The following BAZ1B variants were observed in gnomAD, a reference collection of about 807,000 sequenced individuals.
BAZ1B encodes bromodomain adjacent to zinc finger domain 1B, also known as tyrosine-protein kinase BAZ1B.
BAZ1B carries 22 observed loss-of-function variants against 153.8 expected under a neutral mutation model. That is an observed-to-expected ratio of 0.14 (90% CI 0.10 to 0.20). BAZ1B has a LOEUF of 0.20. Ranked by LOEUF, BAZ1B falls within the 10% of genes least tolerant of loss-of-function variation. The pLI, the probability that BAZ1B is intolerant of heterozygous loss-of-function variation, is 1.00. For missense variants in BAZ1B, 1,325 were observed against 1,799.3 expected (o/e 0.74, Z 4.77); for synonymous variants, 676 against 633.4 (o/e 1.07, Z -1.01).
rs542195158 is a variant in BAZ1B, at chr7:73,479,877, T to C, written c.892-1308A>G. 3.9e-5 allele frequency among the ~76,000 whole-genome samples: 6 copies of C among 152,140 alleles called. No homozygotes were observed. The South Asian group carries it at 1.2e-3, about 32-fold the overall frequency. On this transcript the variant is annotated intron_variant, in intron 6 of 19. Transcript: ENST00000339594. ...GGCTAAAATAAAAGATAAATAAAAG[T>C]GGGTGGTCTCAGCTGGGTGTGGAGG... is the stretch of plus-strand genomic sequence containing the variant.
intron 4 of BAZ1B, among the ~76,000 whole-genome samples, chr7:73,495,324 C>CAAGT (rs1785907235): frequency 1.3e-5 from 2 of 152,066 alleles, no homozygotes; most frequent in South Asian, 4.1e-4. Flanking sequence ...ATAGGACAGG[C>CAAGT]AAGTAAAGAT....
At chr7:73,517,114 C>T (rs1157101740) in intron 1 of BAZ1B, among the ~76,000 whole-genome samples, 8 of 151,304 alleles carry the variant, frequency 5.3e-5, no homozygotes, top group Admixed American at 2.7e-4. Context: ...ACCCAGGAGG[C>T]GGAGGTTGTA....
At chr7:73,513,761 A>G (rs1286439332) in intron 1 of BAZ1B, among the ~76,000 whole-genome samples, 1 of 152,134 alleles carries the variant, frequency 6.6e-6, no homozygotes, top group Admixed American at 6.6e-5. Context: ...TCCAACAGGC[A>G]TGGTAGCTTA....
At chr7:73,506,446 C>T (rs1790344893) in intron 3 of BAZ1B, among the ~76,000 whole-genome samples, 1 of 150,738 alleles carries the variant, frequency 6.6e-6, no homozygotes, top group African/African-American at 2.4e-5. Context: ...TTGCAGTGAG[C>T]TGAGATCATG....
rs1230138240 is a variant in BAZ1B at position 73,447,330 on chromosome 7, C to T, written c.3778G>A (p.Asp1260Asn). The T allele has an allele frequency of 6.2e-7, 1 of 1,613,494 alleles. No homozygotes were observed. The highest frequency in any genetic ancestry group is 2.2e-5 in the East Asian group (1 of 44,886). Residue 1260 changes from aspartate to asparagine, a missense_variant, in exon 16 of 20, where the codon GAT becomes AAT. Asp to Asn is a conservative substitution (Grantham distance 23). Coordinates refer to ENST00000339594, the MANE Select transcript of BAZ1B (RefSeq NM_032408.4). ...ASEDSEDDESDEEEEEEEEEE... is the reference protein window; with the variant it reads ...ASEDSEDDESNEEEEEEEEEE... ...TCTTCTTCCTCCTCCTCCTCTTCAT[C>T]ACTCTCATCATCTTCACTGTCCTCA...
chr7:73,506,853 A>C (rs1790364252), intron 3 of BAZ1B, among the ~76,000 whole-genome samples: 1 of 147,070 alleles, frequency 6.8e-6, no homozygotes, highest in African/African-American at 2.5e-5. Flanking sequence ...CTCCACCTCA[A>C]AGAAAAAAAA....
chr7:73,513,806 G>C (rs1166105978), intron 1 of BAZ1B, among the ~76,000 whole-genome samples: 1 of 152,122 alleles, frequency 6.6e-6, no homozygotes, highest in Non-Finnish European at 1.5e-5. Context: ...GGACAAAGTG[G>C]GGGGATCTTG....
At position 73,498,533 on chromosome 7, in the gene BAZ1B, C is replaced by T. The variant is rs1554576663; in HGVS notation, c.535G>A (p.Val179Ile). 1.2e-6 allele frequency: 2 copies of T among 1,613,970 alleles called. No homozygotes were observed. Among genetic ancestry groups the T allele is most frequent in the African/African-American group, 1.3e-5 (1 of 74,940 alleles). Residue 179 changes from valine (V) to isoleucine (I), a missense_variant, in exon 4 of 20, where the codon GTT becomes ATT. Transcript: ENST00000339594. Reference protein sequence around the residue: ...IAQDHQKKETVVKEDEGRRES... With the variant: ...IAQDHQKKETIVKEDEGRRES... ...CTCCTTCCTTCATCCTCTTTCACAA[C>T]TGTCTCCTTCTTCTGATGGTCCTGA...
intron 6 of BAZ1B, among the ~76,000 whole-genome samples, chr7:73,479,178 G>C (rs1373065049): frequency 6.6e-6 from 1 of 152,004 alleles, no homozygotes; most frequent in East Asian, 1.9e-4. Flanking sequence ...CCTGACCTGG[G>C]CCTCAAACTC....
intron 10 of BAZ1B, among the ~76,000 whole-genome samples, 161 bp downstream of exon 10, chr7:73,466,135 T>C (rs1554571136): frequency 6.6e-6 from 1 of 152,088 alleles, no homozygotes; most frequent in Non-Finnish European, 1.5e-5. Context: ...TAACAAAAAA[T>C]CAGGTCTGCT....
intron 1 of BAZ1B, among the ~76,000 whole-genome samples, chr7:73,520,228 A>C (rs1414496942): frequency 6.6e-6 from 1 of 151,824 alleles, no homozygotes; most frequent in Non-Finnish European, 1.5e-5. Flanking sequence ...AAAAAAAAAA[A>C]AAGTGGGGTA....
rs1583885793 is a variant in BAZ1B, at chr7:73,449,277, G to A, written c.3728+265C>T. Among the ~76,000 whole-genome samples the A allele has an allele frequency of 3.3e-5, 5 of 152,174 alleles. No individual in the cohort carries two copies. The East Asian group carries it at 5.8e-4, about 18-fold the overall frequency. ...TGGGCAACAGGAGGCTAAAGGCAGA[G>A]AGAGAGATTTCATTACTTGAGAAGA... On this transcript the variant is annotated intron_variant, in intron 15 of 19. Coordinates refer to ENST00000339594, the MANE Select transcript of BAZ1B (RefSeq NM_032408.4).
At chr7:73,493,668 C>T (rs190802242) in intron 4 of BAZ1B, among the ~76,000 whole-genome samples, 1 of 151,682 alleles carries the variant, frequency 6.6e-6, no homozygotes, top group Non-Finnish European at 1.5e-5. Flanking sequence ...TGGTGAAACC[C>T]TGTCTCTATA....
chr7:73,493,861 G>C (rs1306059653), intron 4 of BAZ1B, among the ~76,000 whole-genome samples: 1 of 150,690 alleles, frequency 6.6e-6, no homozygotes. Flanking sequence ...AAAAAAGAGA[G>C]AGAGAGAGAA....
At chr7:73,494,479 TCA>T (rs1191418836) in intron 4 of BAZ1B, among the ~76,000 whole-genome samples, 3 of 152,148 alleles carry the variant, frequency 2.0e-5, no homozygotes, top group Middle Eastern at 3.2e-3. Flanking sequence ...GCACACAGGC[TCA>T]CACAGGTAAT....
chr7:73,519,163 G>A (rs1304136757), intron 1 of BAZ1B, among the ~76,000 whole-genome samples: 3 of 152,060 alleles, frequency 2.0e-5, no homozygotes, highest in East Asian at 1.9e-4. Context: ...TATACTCCAA[G>A]AACATACCAA....
chr7:73,516,552 AG>A (rs1246126355), intron 1 of BAZ1B, among the ~76,000 whole-genome samples: 2 of 151,756 alleles, frequency 1.3e-5, no homozygotes, highest in Non-Finnish European at 1.5e-5. Flanking sequence ...TGGGAGGCCG[AG>A]GGGGTGGATC....
At position 73,455,624 on chromosome 7, in the gene BAZ1B, T is replaced by A. The variant is rs1788167407; in HGVS notation, c.3432+3912A>T. ...AGCAAGGCCCCGTCTCTATAAAAAA[T>A]TTAAAAATTAGCTGGGCATGGTGAC... On this transcript the variant is annotated intron_variant, in intron 13 of 19. Coordinates refer to ENST00000339594, the MANE Select transcript of BAZ1B (RefSeq NM_032408.4). 2.6e-5 allele frequency among the ~76,000 whole-genome samples: 4 copies of A among 151,750 alleles called. No homozygotes were observed. In the South Asian group the frequency reaches 8.3e-4, roughly 32 times the overall value.
At chr7:73,456,263 A>C (rs1389888573) in intron 13 of BAZ1B, among the ~76,000 whole-genome samples, 8 of 152,242 alleles carry the variant, frequency 5.3e-5, no homozygotes, top group African/African-American at 1.9e-4. Flanking sequence ...TTTCTTGGAC[A>C]TGACACCAAA....
Sources: allele counts gnomAD v4.1 joint callset (sites outside exome capture counted in the v4.1 genomes callset), GRCh38; gene constraint gnomAD v4.1.1; transcripts MANE v1.5; gene names NCBI Gene and HGNC (gene_info 2026-07-23, HGNC 2026-07-21).